Variants in SYK observed in about 807,000 individuals in gnomAD.
The protein encoded by SYK is spleen associated tyrosine kinase.
Under a neutral mutation model 77.8 loss-of-function variants are expected in SYK, and 16 were observed. The ratio of observed to expected loss-of-function variants is 0.21; its 90% CI spans 0.14 to 0.31. The LOEUF is 0.31. Ranked by LOEUF, SYK falls within the 10% of genes least tolerant of loss-of-function variation. The pLI is 1.00. For synonymous variants in SYK, 312 were observed against 308.7 expected (o/e 1.01, Z -0.11); for missense variants, 529 against 814.4 (o/e 0.65, Z 4.26).
intron 11 of SYK, among the ~76,000 whole-genome samples, chr9:90,883,775 C>T (rs1448736679): frequency 6.6e-6 from 1 of 152,102 alleles, no homozygotes; most frequent in Non-Finnish European, 1.5e-5. Context: ...CCATCACCCA[C>T]ATCACACCCA....
Position 90,896,229 on chromosome 9 carries a change from C to G in SYK, c.*629C>G, listed in dbSNP as rs1828980066. The G allele has an allele frequency of 4.3e-6, 1 of 232,912 alleles. No individual in the cohort carries two copies. Among genetic ancestry groups the G allele is most frequent in the Admixed American group, 5.6e-5 (1 of 17,762 alleles). The allele number at this position is 232,912 out of a possible 1,614,324, so 14.4% of individuals were successfully genotyped here. On this transcript the variant is annotated 3_prime_UTR_variant, in exon 14 of 14. Transcript: ENST00000375754. ...AAAAAAAAAAAAGGCCTGGATACTG[C>G]TTTTGCTGTCTCTGTTATGAGATGG...
chr9:90,808,460 G>GT (rs1824932148), intron 1 of SYK, among the ~76,000 whole-genome samples: 2 of 103,724 alleles, frequency 1.9e-5, no homozygotes, highest in Non-Finnish European at 2.1e-5. Flanking sequence ...CGTGTGTGTT[G>GT]GTTTTTTTTT....
At chr9:90,834,600 G>C (rs1408336963) in intron 1 of SYK, among the ~76,000 whole-genome samples, 1 of 152,018 alleles carries the variant, frequency 6.6e-6, no homozygotes, top group African/African-American at 2.4e-5. Flanking sequence ...AAATTAAATA[G>C]GGGAATATTT....
intron 4 of SYK, among the ~76,000 whole-genome samples, chr9:90,862,902 G>A (rs916152227): frequency 2.0e-5 from 3 of 152,074 alleles, no homozygotes; most frequent in Admixed American, 2.0e-4. Flanking sequence ...ATTGTAAATC[G>A]AGTCTCTCTC....
At chr9:90,874,921 A>T in intron 9 of SYK, 72 bp downstream of exon 9, 1 of 1,543,314 alleles carries the variant, frequency 6.5e-7, no homozygotes, top group Non-Finnish European at 8.8e-7. Flanking sequence ...GAATAACAAA[A>T]TGTAACCTGG....
chr9:90,888,909 A>C, intron 13 of SYK, among the ~76,000 whole-genome samples: 1 of 152,316 alleles, frequency 6.6e-6, no homozygotes, highest in African/African-American at 2.4e-5. Flanking sequence ...AAGGGCAGTC[A>C]AAGTAAAAAA....
intron 13 of SYK, among the ~76,000 whole-genome samples, chr9:90,891,759 A>C (rs1733948643): frequency 6.6e-6 from 1 of 152,226 alleles, no homozygotes; most frequent in Admixed American, 6.5e-5. Flanking sequence ...TCCTTGGAGC[A>C]GGGCCACAAG....
At chr9:90,879,934 A>G (rs1828084929) in intron 11 of SYK, among the ~76,000 whole-genome samples, 1 of 152,258 alleles carries the variant, frequency 6.6e-6, no homozygotes, top group African/African-American at 2.4e-5. Flanking sequence ...AGAAAGCTCT[A>G]TCTTCATATT....
intron 11 of SYK, among the ~76,000 whole-genome samples, chr9:90,879,413 AACATGTGGT>A (rs1244197740): frequency 1.3e-5 from 2 of 152,236 alleles, no homozygotes; most frequent in African/African-American, 4.8e-5. Flanking sequence ...GACATTTCAT[AACATGTGGT>A]GGAACACTGT....
intron 13 of SYK, among the ~76,000 whole-genome samples, chr9:90,891,772 G>A (rs1445422041): frequency 1.3e-5 from 2 of 152,198 alleles, no homozygotes; most frequent in Non-Finnish European, 2.9e-5. Context: ...GCCACAAGGA[G>A]AACTCAGAAG....
chr9:90,802,234 G>A (rs1826760174), intron 1 of SYK, among the ~76,000 whole-genome samples: 1 of 152,204 alleles, frequency 6.6e-6, no homozygotes, highest in African/African-American at 2.4e-5. Context: ...GGAGACGCGG[G>A]ATTGGGATCA....
chr9:90,821,100 C>A (rs942631493), intron 1 of SYK, among the ~76,000 whole-genome samples: 2 of 152,192 alleles, frequency 1.3e-5, no homozygotes, highest in African/African-American at 2.4e-5. Context: ...ACTGCCTCAG[C>A]CTGGACCTTA....
At chr9:90,846,416 A>G (rs2118656080) in intron 3 of SYK, among the ~76,000 whole-genome samples, 1 of 152,288 alleles carries the variant, frequency 6.6e-6, no homozygotes, top group South Asian at 2.1e-4. Context: ...TCCCCAGCCG[A>G]CTTCGTAAAC....
intron 1 of SYK, among the ~76,000 whole-genome samples, chr9:90,834,918 C>T (rs1826014915): frequency 6.6e-6 from 1 of 152,222 alleles, no homozygotes; most frequent in Non-Finnish European, 1.5e-5. Flanking sequence ...ACAGCTGACA[C>T]AGTGGTTTCC....
At chr9:90,889,333 T>C (rs290256) in intron 13 of SYK, among the ~76,000 whole-genome samples, 129,942 of 152,296 alleles carry the variant, frequency 0.85, 55,978 homozygotes, top group African/African-American at 0.96. Flanking sequence ...CCATCTCCAG[T>C]TCCCTGGTAC....
intron 1 of SYK, among the ~76,000 whole-genome samples, chr9:90,818,382 C>T (rs1825375366): frequency 6.6e-6 from 1 of 152,222 alleles, no homozygotes; most frequent in Admixed American, 6.5e-5. Flanking sequence ...TTAGCTTCCA[C>T]CAGCCTCTCT....
At chr9:90,813,921 G>A (rs1032201636) in intron 1 of SYK, among the ~76,000 whole-genome samples, 3 of 152,128 alleles carry the variant, frequency 2.0e-5, no homozygotes, top group African/African-American at 7.2e-5. Flanking sequence ...ACTAGACAAG[G>A]TCACTCCCCC....
chr9:90,876,041 T>A (rs1827913555), intron 9 of SYK, among the ~76,000 whole-genome samples: 3 of 152,140 alleles, frequency 2.0e-5, no homozygotes, highest in Non-Finnish European at 2.9e-5. Context: ...ATCCCAGCAC[T>A]TTGGGAGGCC....
At chr9:90,841,844 G>T (rs889801654) in intron 1 of SYK, among the ~76,000 whole-genome samples, 1 of 144,960 alleles carries the variant, frequency 6.9e-6, no homozygotes, top group Non-Finnish European at 1.5e-5. Flanking sequence ...TGTGTGTTGT[G>T]TGTGCAGTGT....
Sources: allele counts gnomAD v4.1 joint callset (sites outside exome capture counted in the v4.1 genomes callset), GRCh38; gene constraint gnomAD v4.1.1; transcripts MANE v1.5; gene names NCBI Gene and HGNC (gene_info 2026-07-23, HGNC 2026-07-21).